The following CFAP70 variants were observed in gnomAD, a reference collection of about 807,000 sequenced individuals.
CFAP70 encodes cilia- and flagella-associated protein 70.
CFAP70 carries 81 observed loss-of-function variants against 137.6 expected under a neutral mutation model. The ratio of observed to expected loss-of-function variants is 0.59; its 90% CI spans 0.49 to 0.71. CFAP70 has a LOEUF of 0.71. Among genes scored for constraint, CFAP70 ranks in the 30% least tolerant of loss-of-function variants. CFAP70 has a pLI of 0.00. For synonymous variants in CFAP70, 382 were observed against 423.6 expected (o/e 0.90, Z 1.20); for missense variants, 976 against 1,226.7 (o/e 0.80, Z 3.05).
At chr10:73,282,515 A>G (rs969486470) in intron 19 of CFAP70, among the ~76,000 whole-genome samples, 5 of 152,124 alleles carry the variant, frequency 3.3e-5, no homozygotes, top group African/African-American at 1.2e-4. Context: ...CAGGGTCTGC[A>G]TGGGGCTCCC....
At chr10:73,337,377 A>G (rs2132367370) in intron 6 of CFAP70, among the ~76,000 whole-genome samples, 1 of 152,202 alleles carries the variant, frequency 6.6e-6, no homozygotes, top group East Asian at 1.9e-4. Context: ...TCAGCTATTC[A>G]GGTGGCTGAG....
chr10:73,361,880 A>G (rs2055024423), upstream of CFAP70, among the ~76,000 whole-genome samples: 1 of 152,158 alleles, frequency 6.6e-6, no homozygotes, highest in Admixed American at 6.5e-5. Context: ...GAAATTAACA[A>G]GCTGATCTTA....
chr10:73,300,644 C>T (rs933924372), intron 12 of CFAP70, among the ~76,000 whole-genome samples: 14 of 152,038 alleles, frequency 9.2e-5, no homozygotes, highest in Non-Finnish European at 1.8e-4. Context: ...GGGTGGATTG[C>T]CTGAGCTTAG....
intron 4 of CFAP70, 59 bp downstream of exon 5, chr10:73,348,097 A>G: frequency 6.8e-7 from 1 of 1,477,332 alleles, no homozygotes; most frequent in Non-Finnish European, 9.5e-7. Context: ...CCTTAATAGC[A>G]GACAGAATTG....
At chr10:73,338,845 G>A (rs2052964577) in intron 6 of CFAP70, among the ~76,000 whole-genome samples, 2 of 151,930 alleles carry the variant, frequency 1.3e-5, no homozygotes, top group Non-Finnish European at 2.9e-5. Context: ...GCTGACTGCA[G>A]GACTTGAGTA....
chr10:73,278,382 G>A (rs372730053), intron 19 of CFAP70, 45 bp from the exon 21 acceptor site: 158 of 1,498,522 alleles, frequency 1.1e-4, no homozygotes, highest in Non-Finnish European at 1.3e-4. Context: ...TCTTACATTG[G>A]GTGTTTAAAG....
intron 12 of CFAP70, among the ~76,000 whole-genome samples, chr10:73,309,902 C>T (rs890655883): frequency 1.3e-5 from 2 of 152,212 alleles, no homozygotes; most frequent in East Asian, 1.9e-4. Flanking sequence ...GGCAATCCCC[C>T]CCACCTTGGC....
chr10:73,308,634 A>AG (rs1391050789), intron 12 of CFAP70, among the ~76,000 whole-genome samples: 1 of 151,818 alleles, frequency 6.6e-6, no homozygotes, highest in Non-Finnish European at 1.5e-5. Context: ...GTCTCAAAAA[A>AG]AAAAAAAAAA....
At chr10:73,312,114 G>A (rs755515504) in intron 10 of CFAP70, among the ~76,000 whole-genome samples, 200 bp from the exon 12 acceptor site, 8 of 152,034 alleles carry the variant, frequency 5.3e-5, no homozygotes, top group Non-Finnish European at 1.2e-4. Context: ...ACCAAATACC[G>A]CATGTTCTCA....
At chr10:73,263,374 C>T (rs754775682) in intron 25 of CFAP70, among the ~76,000 whole-genome samples, 19 of 152,174 alleles carry the variant, frequency 1.2e-4, no homozygotes, top group Non-Finnish European at 2.4e-4. Context: ...TGAGCCACCA[C>T]GCCCAGCCCA....
chr10:73,278,384 T>G (rs753727693), intron 19 of CFAP70, 47 bp from the exon 21 acceptor site: 2 of 1,503,708 alleles, frequency 1.3e-6, no homozygotes, highest in Non-Finnish European at 1.8e-6. Flanking sequence ...TTACATTGGG[T>G]GTTTAAAGGT....
chr10:73,349,638 T>C (rs981259818), intron 3 of CFAP70, among the ~76,000 whole-genome samples: 1 of 152,160 alleles, frequency 6.6e-6, no homozygotes, highest in Non-Finnish European at 1.5e-5. Context: ...TTTGGAGTAA[T>C]CCTGTAGCAT....
In CFAP70 at chr10:73,338,193, G is replaced by C. The variant is rs575153421; in HGVS notation, c.583-2669C>G. On this transcript the variant is annotated intron_variant, in intron 6 of 26. Transcript: ENST00000310715. ...AGAATCTTGCTCTGTCACCCAGGCT[G>C]GAGTGCAGTGGTACAGTCTCGGCTC... is the stretch of plus-strand genomic sequence containing the variant. 1.6e-4 allele frequency among the ~76,000 whole-genome samples: 23 copies of C among 146,848 alleles called. No homozygotes were observed. In the South Asian group the frequency reaches 5.0e-3, roughly 32 times the overall value.
chr10:73,262,069 G>A (rs1412075409), intron 25 of CFAP70, among the ~76,000 whole-genome samples: 32 of 115,932 alleles, frequency 2.8e-4, no homozygotes, highest in Admixed American at 2.6e-3. Context: ...ATGTATATAT[G>A]TATATATTAT....
At chr10:73,335,803 T>C (rs2052588762) in intron 6 of CFAP70, among the ~76,000 whole-genome samples, 1 of 151,502 alleles carries the variant, frequency 6.6e-6, no homozygotes, top group African/African-American at 2.4e-5. Flanking sequence ...GATTCTCAAC[T>C]CTAGATGCAT....
At chr10:73,337,671 G>C (rs1189954754) in intron 6 of CFAP70, among the ~76,000 whole-genome samples, 1 of 152,082 alleles carries the variant, frequency 6.6e-6, no homozygotes, top group African/African-American at 2.4e-5. Context: ...TTGGGAGGCC[G>C]AGGCAGGCAG....
chr10:73,335,010 A>C (rs945744454), intron 7 of CFAP70, among the ~76,000 whole-genome samples: 5 of 150,968 alleles, frequency 3.3e-5, no homozygotes, highest in Non-Finnish European at 7.4e-5. Flanking sequence ...CAGCCTCACA[A>C]GTAGTAAGAC....
At position 73,284,772 on chromosome 10, in the gene CFAP70, A is replaced by C. The variant is rs1375897068; in HGVS notation, c.2240-6435T>G. On this transcript the variant is annotated intron_variant, in intron 19 of 26. Coordinates refer to ENST00000310715, the Ensembl canonical transcript of CFAP70. The stretch of plus-strand genomic sequence containing the variant: ...TATATATATATATATATATATATAT[A>C]TATATATATATATATATATATATAT... Among the ~76,000 whole-genome samples the C allele has an allele frequency of 5.3e-4, 23 of 43,740 alleles. 2 individuals carry two copies. Among genetic ancestry groups the C allele is most frequent in the African/African-American group, 2.3e-3 (21 of 9,146 alleles). 28.7% of individuals were successfully genotyped at this position (43,740 alleles called of 152,430 possible). A position where few individuals can be genotyped will look rare whatever the true frequency, so the allele number is the denominator to read the frequency against.
chr10:73,272,471 A>G (rs2133745518), intron 24 of CFAP70, among the ~76,000 whole-genome samples: 1 of 152,284 alleles, frequency 6.6e-6, no homozygotes, highest in Admixed American at 6.5e-5. Context: ...AGACTGGAGG[A>G]AATGAGGGAA....
Sources: allele counts gnomAD v4.1 joint callset (sites outside exome capture counted in the v4.1 genomes callset), GRCh38; gene constraint gnomAD v4.1.1; transcripts MANE v1.5; gene names NCBI Gene and HGNC (gene_info 2026-07-23, HGNC 2026-07-21).